The following PDE3A variants were observed in gnomAD, a reference collection of about 807,000 sequenced individuals.
PDE3A encodes phosphodiesterase 3A.
Under a neutral mutation model 98.3 loss-of-function variants are expected in PDE3A, and 43 were observed. That is an observed-to-expected ratio of 0.44 (90% CI 0.34 to 0.56). The LOEUF (loss-of-function observed/expected upper bound fraction) is 0.56. Among genes scored for constraint, PDE3A ranks in the 20% least tolerant of loss-of-function variants. The probability of loss-of-function intolerance (pLI) is 0.01; values close to 1 mark genes in which losing one functional copy is unlikely to be tolerated. For missense variants in PDE3A, 1,427 were observed against 1,440.7 expected (o/e 0.99, Z 0.15); for synonymous variants, 663 against 567.9 (o/e 1.17, Z -2.38).
intron 10 of PDE3A, among the ~76,000 whole-genome samples, chr12:20,643,977 G>A (rs1381244869): frequency 6.6e-6 from 1 of 152,070 alleles, no homozygotes; most frequent in Non-Finnish European, 1.5e-5. Context: ...CCCCAAACAG[G>A]CTCTGCCAAC....
intron 1 of PDE3A, among the ~76,000 whole-genome samples, chr12:20,465,728 T>G (rs1048120511): frequency 6.6e-6 from 1 of 152,180 alleles, no homozygotes; most frequent in African/African-American, 2.4e-5. Flanking sequence ...ATTTTAAAAA[T>G]TTAAAATGGT....
At chr12:20,674,459 G>C (rs1288660641) in intron 15 of PDE3A, among the ~76,000 whole-genome samples, 1 of 152,060 alleles carries the variant, frequency 6.6e-6, no homozygotes, top group Non-Finnish European at 1.5e-5. Context: ...TTATGTTGAG[G>C]CATGTTCCTT....
intron 2 of PDE3A, among the ~76,000 whole-genome samples, chr12:20,600,602 C>T (rs1268054174): frequency 2.0e-5 from 3 of 152,132 alleles, no homozygotes; most frequent in Admixed American, 6.6e-5. Context: ...AGAAAACACA[C>T]CCTAATCCTT....
At chr12:20,431,301 A>G (rs1234765059) in intron 1 of PDE3A, among the ~76,000 whole-genome samples, 1 of 152,176 alleles carries the variant, frequency 6.6e-6, no homozygotes, top group East Asian at 1.9e-4. Context: ...CAGTAGGTTT[A>G]TCAGATGATT....
intron 1 of PDE3A, chr12:20,551,715 G>C (rs960425365): frequency 1.2e-6 from 2 of 1,613,722 alleles, no homozygotes; most frequent in Non-Finnish European, 1.7e-6. Flanking sequence ...ACTGCCCTGA[G>C]TGCCGGAATG....
intron 14 of PDE3A, among the ~76,000 whole-genome samples, chr12:20,652,196 C>A (rs1456174346): frequency 6.6e-6 from 1 of 152,142 alleles, no homozygotes; most frequent in Non-Finnish European, 1.5e-5. Context: ...GGTTCCAAGT[C>A]TTTGCTATTG....
rs534082762 is a variant in PDE3A, at chr12:20,663,741, A to T, written c.3184+9536A>T. On this transcript the variant is annotated intron_variant, in intron 15 of 15. Transcript: ENST00000359062. ...TGATTTTGCAGGTTTATAGGCAGAA[A>T]GGACTTGCCTTGTCTCAGATGAGAC... is the stretch of plus-strand genomic sequence containing the variant. Among the ~76,000 whole-genome samples the T allele has an allele frequency of 3.9e-5, 6 of 152,326 alleles. No individual in the cohort carries two copies. In the East Asian group the frequency reaches 1.2e-3, roughly 29 times the overall value.
chr12:20,518,486 T>C (rs1366126515), intron 1 of PDE3A, among the ~76,000 whole-genome samples: 2 of 152,080 alleles, frequency 1.3e-5, no homozygotes, highest in Non-Finnish European at 2.9e-5. Context: ...ATAAAATAAC[T>C]GAATTCAAAA....
At chr12:20,514,255 C>T (rs1050565112) in intron 1 of PDE3A, among the ~76,000 whole-genome samples, 4 of 152,138 alleles carry the variant, frequency 2.6e-5, no homozygotes, top group African/African-American at 9.7e-5. Context: ...AGTTTCAAAT[C>T]ATCCTAGGAT....
intron 1 of PDE3A, among the ~76,000 whole-genome samples, chr12:20,433,218 A>T (rs934381798): frequency 6.6e-6 from 1 of 152,172 alleles, no homozygotes; most frequent in Non-Finnish European, 1.5e-5. Context: ...GGTGGGACAC[A>T]GCAGACCTGT....
chr12:20,601,642 G>A (rs1450903947), intron 2 of PDE3A, among the ~76,000 whole-genome samples: 3 of 152,106 alleles, frequency 2.0e-5, no homozygotes, highest in Non-Finnish European at 4.4e-5. Flanking sequence ...TAAAATGTTT[G>A]CAACTTAGAC....
At chr12:20,676,217 T>C (rs780548795) in intron 15 of PDE3A, among the ~76,000 whole-genome samples, 31 of 152,182 alleles carry the variant, frequency 2.0e-4, no homozygotes, top group Non-Finnish European at 3.7e-4. Flanking sequence ...TCCTTTTGCT[T>C]TCACATGTCA....
At chr12:20,522,342 T>C (rs752768844) in intron 1 of PDE3A, among the ~76,000 whole-genome samples, 1 of 152,158 alleles carries the variant, frequency 6.6e-6, no homozygotes, top group Non-Finnish European at 1.5e-5. Context: ...AATTCTCAAG[T>C]CCCCGGCCTA....
At chr12:20,671,131 C>A (rs1293438963) in intron 15 of PDE3A, among the ~76,000 whole-genome samples, 1 of 144,908 alleles carries the variant, frequency 6.9e-6, no homozygotes, top group African/African-American at 2.7e-5. Context: ...CACATACACT[C>A]TCCCAAGACT....
chr12:20,625,187 A>G (rs1263434770), intron 5 of PDE3A, among the ~76,000 whole-genome samples: 1 of 152,218 alleles, frequency 6.6e-6, no homozygotes, highest in Non-Finnish European at 1.5e-5. Flanking sequence ...TACTAATATA[A>G]AATAAATGAA....
chr12:20,447,577 G>A (rs1944978330), intron 1 of PDE3A, among the ~76,000 whole-genome samples: 1 of 152,178 alleles, frequency 6.6e-6, no homozygotes, highest in Non-Finnish European at 1.5e-5. Flanking sequence ...AACATGTGGA[G>A]GTTCCTAGAA....
chr12:20,441,417 A>G (rs961194061), intron 1 of PDE3A, among the ~76,000 whole-genome samples: 4 of 152,184 alleles, frequency 2.6e-5, no homozygotes, highest in African/African-American at 7.2e-5. Flanking sequence ...GGTATTGAAG[A>G]AGAATAGTGC....
At chr12:20,456,793 G>A (rs1231849017) in intron 1 of PDE3A, among the ~76,000 whole-genome samples, 1 of 152,094 alleles carries the variant, frequency 6.6e-6, no homozygotes, top group Non-Finnish European at 1.5e-5. Context: ...AGCACTTGAT[G>A]ACTGGTAAAA....
chr12:20,456,131 G>A (rs926776209), intron 1 of PDE3A, among the ~76,000 whole-genome samples: 3 of 152,156 alleles, frequency 2.0e-5, no homozygotes, highest in African/African-American at 2.4e-5. Context: ...CATCTCTTTC[G>A]CAGCACTCCT....
Sources: allele counts gnomAD v4.1 joint callset (sites outside exome capture counted in the v4.1 genomes callset), GRCh38; gene constraint gnomAD v4.1.1; transcripts MANE v1.5; gene names NCBI Gene and HGNC (gene_info 2026-07-23, HGNC 2026-07-21).